Variants in SLC7A8 observed in about 807,000 individuals in gnomAD.
The protein encoded by SLC7A8 is solute carrier family 7 member 8.
SLC7A8 carries 30 observed loss-of-function variants against 51.2 expected under a neutral mutation model. That is an observed-to-expected ratio of 0.59 (90% CI 0.44 to 0.80). The LOEUF is 0.80. Among genes scored for constraint, SLC7A8 ranks in the 30% least tolerant of loss-of-function variants. The pLI, the probability that SLC7A8 is intolerant of heterozygous loss-of-function variation, is 0.00. For missense variants in SLC7A8, 612 were observed against 674.4 expected (o/e 0.91, Z 1.03); for synonymous variants, 257 against 275.8 (o/e 0.93, Z 0.67).
chr14:23,161,976 C>A, intron 3 of SLC7A8, among the ~76,000 whole-genome samples: 1 of 142,050 alleles, frequency 7.0e-6, no homozygotes, highest in Non-Finnish European at 1.5e-5. Context: ...CAGCTTGGTT[C>A]TTGTTTTACT....
chr14:23,137,849 C>T lies in SLC7A8; in HGVS notation c.1016+72G>A. On this transcript the variant is annotated intron_variant, in intron 7 of 10. Transcript: ENST00000316902. ...ACAGACCCCTGCTGACAGAGACAAGCCCACCATATACAAATAGCAAAGTGC... is the reference window on the plus strand; with the variant it reads ...ACAGACCCCTGCTGACAGAGACAAGTCCACCATATACAAATAGCAAAGTGC... 5 of 1,571,048 alleles carry T rather than the reference C, an allele frequency of 3.2e-6. No individual in the cohort carries two copies. In the South Asian group the frequency reaches 4.5e-5, roughly 14 times the overall value.
intron 7 of SLC7A8, among the ~76,000 whole-genome samples, chr14:23,134,598 C>CCCAGGCT (rs1476445271): frequency 2.0e-5 from 3 of 151,950 alleles, no homozygotes; most frequent in African/African-American, 7.3e-5. Flanking sequence ...TGCTCTGTCA[C>CCCAGGCT]CCAGGCTGGA....
At chr14:23,156,985 G>A (rs143142126) in intron 3 of SLC7A8, among the ~76,000 whole-genome samples, 2 of 152,306 alleles carry the variant, frequency 1.3e-5, no homozygotes, top group Admixed American at 6.5e-5. Context: ...GACTTCTCAG[G>A]TAACTTACTT....
chr14:23,144,933 C>CTTTTT (rs199939524), intron 3 of SLC7A8, among the ~76,000 whole-genome samples: 1 of 139,652 alleles, frequency 7.2e-6, no homozygotes. Flanking sequence ...TTTTCTTTTT[C>CTTTTT]TTTTTTTTTT....
chr14:23,179,333 TATTA>T (rs1449207232), intron 1 of SLC7A8, among the ~76,000 whole-genome samples: 1 of 152,240 alleles, frequency 6.6e-6, no homozygotes, highest in Non-Finnish European at 1.5e-5. Context: ...ATAAGTCTTC[TATTA>T]ATTCATTGTA....
chr14:23,168,354 C>T (rs545378363), intron 1 of SLC7A8, among the ~76,000 whole-genome samples: 1 of 152,324 alleles, frequency 6.6e-6, no homozygotes, highest in Admixed American at 6.5e-5. Flanking sequence ...GTTCCCCCTT[C>T]CAGTGATTCT....
chr14:23,180,196 G>T (rs71418270), intron 1 of SLC7A8, among the ~76,000 whole-genome samples: 1 of 152,048 alleles, frequency 6.6e-6, no homozygotes, highest in African/African-American at 2.4e-5. Flanking sequence ...GTGAGCCACC[G>T]CACCCGGCCC....
intron 7 of SLC7A8, among the ~76,000 whole-genome samples, chr14:23,134,044 G>T (rs1285780988): frequency 6.6e-6 from 1 of 151,846 alleles, no homozygotes; most frequent in Non-Finnish European, 1.5e-5. Context: ...AAACTCAAAT[G>T]ATCCTCCTGT....
chr14:23,168,209 T>C (rs949026914), intron 1 of SLC7A8, among the ~76,000 whole-genome samples: 2 of 152,224 alleles, frequency 1.3e-5, no homozygotes, highest in African/African-American at 4.8e-5. Flanking sequence ...TGTAAGTTTA[T>C]GTAAAGTTCT....
chr14:23,138,666 A>G (rs951503195), intron 6 of SLC7A8, among the ~76,000 whole-genome samples: 4 of 152,256 alleles, frequency 2.6e-5, no homozygotes, highest in Non-Finnish European at 5.9e-5. Flanking sequence ...CTGTGAAGCT[A>G]TAGATGAATC....
chr14:23,165,549 C>A lies in SLC7A8; in HGVS notation c.357-113G>T, dbSNP rs1472247082. 1 of 1,099,276 alleles carries A rather than the reference C, an allele frequency of 9.1e-7. No homozygotes were observed. Among genetic ancestry groups the A allele is most frequent in the East Asian group, 3.0e-5 (1 of 32,924 alleles). The allele number at this position is 1,099,276 out of a possible 1,614,324, so 68.1% of individuals were successfully genotyped here. ...TTTATTTTCAAGGATGCTGAAGAGCCCAGCCTCTGCCCCCACCCACAAATG... is the reference window on the plus strand; with the variant it reads ...TTTATTTTCAAGGATGCTGAAGAGCACAGCCTCTGCCCCCACCCACAAATG... On this transcript the variant is annotated intron_variant, in intron 2 of 10. Transcript: ENST00000316902. This position sits in a 1 kb window ranked among gnomAD's most constrained non-coding sequence, Gnocchi z 4.2.
At chr14:23,177,773 A>G (rs1876988344) in intron 1 of SLC7A8, among the ~76,000 whole-genome samples, 1 of 152,170 alleles carries the variant, frequency 6.6e-6, no homozygotes, top group South Asian at 2.1e-4. Flanking sequence ...TCTTCCTGCA[A>G]TTGCACCGGG....
At chr14:23,182,481 T>C (rs1004224082) in intron 1 of SLC7A8, among the ~76,000 whole-genome samples, 1 of 152,124 alleles carries the variant, frequency 6.6e-6, no homozygotes, top group Non-Finnish European at 1.5e-5. Flanking sequence ...ACCTGTATTT[T>C]TAAGGAGTTC....
intron 1 of SLC7A8, among the ~76,000 whole-genome samples, chr14:23,182,305 A>T (rs532493252): frequency 6.6e-6 from 1 of 152,346 alleles, no homozygotes; most frequent in African/African-American, 2.4e-5. Context: ...GCTATTTTTA[A>T]TACCTATCCC....
chr14:23,155,249 C>A, intron 3 of SLC7A8: 2 of 1,536,148 alleles, frequency 1.3e-6, no homozygotes, highest in Non-Finnish European at 1.7e-6. Flanking sequence ...TCCAAGGACA[C>A]ACCAGCAGAG....
At chr14:23,154,716 A>G (rs1174894290) in intron 3 of SLC7A8, among the ~76,000 whole-genome samples, 5 of 152,294 alleles carry the variant, frequency 3.3e-5, no homozygotes, top group African/African-American at 1.2e-4. Context: ...CACACGGAAC[A>G]GTCTTTCCTC....
intron 2 of SLC7A8, 33 bp downstream of exon 2, chr14:23,166,303 C>G (rs377476758): frequency 6.2e-6 from 10 of 1,601,870 alleles, no homozygotes; most frequent in South Asian, 4.4e-5. Flanking sequence ...TCCTTTTCCC[C>G]TAGACCATTC....
intron 3 of SLC7A8, among the ~76,000 whole-genome samples, chr14:23,162,041 A>C (rs10139157): frequency 0.042 from 5,738 of 137,604 alleles, 165 homozygotes; most frequent in Middle Eastern, 0.15. Flanking sequence ...CATAAAATTC[A>C]AAAAAAGAAG....
chr14:23,155,594 C>A, intron 3 of SLC7A8: 1 of 843,552 alleles, frequency 1.2e-6, no homozygotes, highest in Non-Finnish European at 1.6e-6. Context: ...AACTGGACAC[C>A]AAGAAATCCA....
Sources: gnomAD v4.1 joint callset for allele counts (sites outside exome capture counted in the v4.1 genomes callset) on GRCh38, gnomAD v4.1.1 for gene constraint, Gnocchi (gnomAD v3.1) non-coding constraint, MANE v1.5 for transcripts, NCBI Gene and HGNC (gene_info 2026-07-23, HGNC 2026-07-21) for gene names.